Variants in LRP5 observed in about 807,000 individuals in gnomAD.
LRP5 encodes the protein LDL receptor related protein 5.
A neutral mutation model predicts 154.1 loss-of-function variants in LRP5; 62 were observed. The observed-to-expected ratio is 0.40, with a 90% CI of 0.33 to 0.50. The LOEUF (loss-of-function observed/expected upper bound fraction) is 0.50. Ranked by LOEUF, LRP5 falls within the 20% of genes least tolerant of loss-of-function variation. The pLI is 0.55. For synonymous variants in LRP5, 966 were observed against 1,011.5 expected (o/e 0.96, Z 0.85); for missense variants, 1,915 against 2,336.7 (o/e 0.82, Z 3.72).
At chr11:68,350,436 C>T (rs1009272705) in intron 2 of LRP5, among the ~76,000 whole-genome samples, 22 of 152,234 alleles carry the variant, frequency 1.4e-4, no homozygotes, top group African/African-American at 5.1e-4. Context: ...AGTCAGGGCT[C>T]TGGAAGCCCT....
chr11:68,324,620 A>T (rs1221889256), intron 1 of LRP5, among the ~76,000 whole-genome samples: 1 of 152,182 alleles, frequency 6.6e-6, no homozygotes, highest in Non-Finnish European at 1.5e-5. Flanking sequence ...TTAAAAAAAA[A>T]TTTCCATCTG....
chr11:68,392,966 A>C (rs2098647196), intron 7 of LRP5, among the ~76,000 whole-genome samples: 1 of 151,916 alleles, frequency 6.6e-6, no homozygotes, highest in South Asian at 2.1e-4. Flanking sequence ...GCTACCAAAA[A>C]ATTTTAAAAG....
At chr11:68,319,367 C>G (rs573240231) in intron 1 of LRP5, among the ~76,000 whole-genome samples, 1 of 152,198 alleles carries the variant, frequency 6.6e-6, no homozygotes, top group African/African-American at 2.4e-5. Context: ...CATGCCCAGC[C>G]TGCCTGGCTG....
At chr11:68,308,109 T>C (rs1325764533), upstream of LRP5, among the ~76,000 whole-genome samples, 1 of 152,214 alleles carries the variant, frequency 6.6e-6, no homozygotes, top group Admixed American at 6.5e-5. Flanking sequence ...ATTGCCTGTT[T>C]TGGGGAGAGG....
intron 1 of LRP5, among the ~76,000 whole-genome samples, chr11:68,324,086 T>C (rs1035711869): frequency 6.6e-6 from 1 of 152,232 alleles, no homozygotes; most frequent in African/African-American, 2.4e-5. Context: ...GTGGCTTTGG[T>C]GCCGTCCGCT....
intron 2 of LRP5, among the ~76,000 whole-genome samples, chr11:68,354,462 T>A (rs962462092): frequency 1.3e-5 from 2 of 152,194 alleles, no homozygotes; most frequent in Admixed American, 6.5e-5. Context: ...CCTGTGTGGA[T>A]TCCCCCCCAA....
At chr11:68,380,603 A>ATGAGCC (rs2153149208) in intron 5 of LRP5, among the ~76,000 whole-genome samples, 1 of 152,294 alleles carries the variant, frequency 6.6e-6, no homozygotes, top group African/African-American at 2.4e-5. Context: ...GATCTGCTGC[A>ATGAGCC]CGCACGGCGG....
chr11:68,409,081 TATATATATATATATACACAC>T (rs1565086147), intron 9 of LRP5, among the ~76,000 whole-genome samples: 1 of 40,018 alleles, frequency 2.5e-5, no homozygotes, highest in African/African-American at 8.1e-5. Context: ...AAAATATATA[TATATATATATATATACACAC>T]ACATACACGC....
chr11:68,315,026 G>C (rs1565310550), intron 1 of LRP5, among the ~76,000 whole-genome samples: 1 of 152,348 alleles, frequency 6.6e-6, no homozygotes, highest in Admixed American at 6.5e-5. Flanking sequence ...ACACGGGTGG[G>C]GGATGTAGGC....
chr11:68,298,585 C>T, the LRP5 span, among the ~76,000 whole-genome samples: 1 of 152,210 alleles, frequency 6.6e-6, no homozygotes, highest in Non-Finnish European at 1.5e-5. Context: ...TTCCTCACTG[C>T]GCCAATGCCC....
At chr11:68,419,483 CTCACCCTCCCAAA>C (rs2098664337) in intron 13 of LRP5, among the ~76,000 whole-genome samples, 1 of 151,536 alleles carries the variant, frequency 6.6e-6, no homozygotes, top group Non-Finnish European at 1.5e-5. Flanking sequence ...ATCCTCCCAC[CTCACCCTCCCAAA>C]GTGCTGGGAT....
At chr11:68,430,840 G>T (rs1318991039) in intron 17 of LRP5, among the ~76,000 whole-genome samples, 1 of 152,178 alleles carries the variant, frequency 6.6e-6, no homozygotes, top group African/African-American at 2.4e-5. Context: ...AGAGGCCAGG[G>T]TTCAAATCCT....
intron 5 of LRP5, among the ~76,000 whole-genome samples, chr11:68,380,525 T>A (rs2098639712): frequency 1.3e-5 from 2 of 152,218 alleles, no homozygotes; most frequent in African/African-American, 2.4e-5. Flanking sequence ...TAACCACTGT[T>A]GACATTTGAG....
intron 1 of LRP5, among the ~76,000 whole-genome samples, chr11:68,322,844 CT>C (rs4988302): frequency 0.21 from 31,233 of 152,178 alleles, 3,881 homozygotes; most frequent in Non-Finnish European, 0.3. Flanking sequence ...CCCCATGGTC[CT>C]GCAGTAAGAG....
chr11:68,423,380 C>T lies in LRP5; in HGVS notation c.3028-109C>T, dbSNP rs2098666898. On this transcript the variant is annotated intron_variant, in intron 13 of 22. Transcript: ENST00000294304. This position sits in a 1 kb window ranked among gnomAD's most constrained non-coding sequence, Gnocchi z 4.7. ...AGTGCCCAGGGCTCTCCAGCCAGTG[C>T]CCGGGGGTCTCCACCAGTGCCCGGG... 2 of 999,336 alleles carry T rather than the reference C, an allele frequency of 2.0e-6. No homozygotes were observed. Among genetic ancestry groups the T allele is most frequent in the African/African-American group, 3.2e-5 (2 of 63,246 alleles). The allele number at this position is 999,336 out of a possible 1,614,324, so 61.9% of individuals were successfully genotyped here. A position where few individuals can be genotyped will look rare whatever the true frequency, so the allele number is the denominator to read the frequency against.
intron 12 of LRP5, 65 bp from the exon 13 acceptor site, chr11:68,416,263 C>G: frequency 1.4e-6 from 2 of 1,432,294 alleles, no homozygotes; most frequent in South Asian, 1.2e-5. Context: ...GGCGTGCTAT[C>G]CCGTCCTCCA....
chr11:68,411,626 G>A lies in LRP5; in HGVS notation c.2503+6G>A. On this transcript the variant is annotated splice_donor_region_variant and intron_variant, in intron 11 of 22. Coordinates refer to ENST00000294304, the MANE Select transcript of LRP5 (RefSeq NM_002335.4). ...CGAGTCGTCCAACATGCTGGGTGAG[G>A]GCCGGGCTGGGGCCTTCTGGTCATG... 1 of 1,606,810 alleles carries A rather than the reference G, an allele frequency of 6.2e-7. No individual in the cohort carries two copies. Among genetic ancestry groups the A allele is most frequent in the Non-Finnish European group, 8.5e-7 (1 of 1,176,782 alleles).
intron 7 of LRP5, among the ~76,000 whole-genome samples, chr11:68,401,905 C>G (rs2098652823): frequency 6.6e-6 from 1 of 152,100 alleles, no homozygotes. Context: ...GTTGGCCAGG[C>G]TGATCTCGAA....
chr11:68,444,410 G>C (rs557705915), intron 21 of LRP5, among the ~76,000 whole-genome samples: 1 of 152,220 alleles, frequency 6.6e-6, no homozygotes, highest in African/African-American at 2.4e-5. Context: ...CCAGCTTCTC[G>C]GGAGTCTGAG....
Sources: gnomAD v4.1 joint callset for allele counts (sites outside exome capture counted in the v4.1 genomes callset) on GRCh38, gnomAD v4.1.1 for gene constraint, Gnocchi (gnomAD v3.1) non-coding constraint, MANE v1.5 for transcripts, NCBI Gene and HGNC (gene_info 2026-07-23, HGNC 2026-07-21) for gene names.